C1QTNF1: variants seen among roughly 807,000 people sequenced by gnomAD.
C1QTNF1 encodes complement C1q tumor necrosis factor-related protein 1.
C1QTNF1 carries 22 observed loss-of-function variants against 27.8 expected under a neutral mutation model. The observed-to-expected ratio is 0.79, with a 90% confidence interval of 0.56 to 1.13. The LOEUF (loss-of-function observed/expected upper bound fraction) is 1.13. Ranked by LOEUF, C1QTNF1 falls within the 50% of genes most tolerant of loss-of-function variation. The pLI is 0.00. For synonymous variants in C1QTNF1, 166 were observed against 154.3 expected, an observed-to-expected ratio of 1.08 and a Z score of -0.56; for missense variants, 373 against 380.2, an observed-to-expected ratio of 0.98 and a Z score of 0.16.
Position 79,033,703 on chromosome 17 carries a change from C to CCAAA in C1QTNF1, c.-15+9209_-15+9210insCAAA, listed in dbSNP as rs1555670434. Among the ~76,000 whole-genome samples, 23 of 151,660 alleles carry CCAAA rather than the reference C, an allele frequency of 1.5e-4. No individual in the cohort carries two copies. In the South Asian group the frequency reaches 4.8e-3, roughly 32 times the overall value. On this transcript the variant is annotated intron_variant, in intron 1 of 3. Transcript: ENST00000579760. ...CCTGGGTGACAGGAGACCCTGTCTC[C>CCAAA]TAAATAAATAAATAAATAAATGTAG...
chr17:79,032,547 G>A (rs2072163204), intron 1 of C1QTNF1, among the ~76,000 whole-genome samples: 1 of 152,200 alleles, frequency 6.6e-6, no homozygotes. Context: ...AACCAGCCAG[G>A]GCTGGGGAAG....
At chr17:79,044,656 C>T (rs892032092) in intron 2 of C1QTNF1, among the ~76,000 whole-genome samples, 2 of 152,150 alleles carry the variant, frequency 1.3e-5, no homozygotes, top group African/African-American at 4.8e-5. Context: ...CTCTGGATGG[C>T]CTTCGTGTCT....
chr17:79,032,512 C>T (rs1163428101), intron 1 of C1QTNF1, among the ~76,000 whole-genome samples: 6 of 152,056 alleles, frequency 3.9e-5, no homozygotes, highest in African/African-American at 1.4e-4. Context: ...CTGGAAGCAG[C>T]GTGGGAGACA....
chr17:79,048,309 C>A lies in C1QTNF1; in HGVS notation c.*221C>A, dbSNP rs1190214261. 2.8e-5 allele frequency: 15 copies of A among 541,952 alleles called. No homozygotes were observed. The highest frequency in any genetic ancestry group is 4.1e-5 in the Non-Finnish European group (13 of 315,826). 33.6% of individuals were successfully genotyped at this position (541,952 alleles called of 1,614,324 possible). On this transcript the variant is annotated 3_prime_UTR_variant, in exon 4 of 4. Coordinates refer to ENST00000579760, the MANE Select transcript of C1QTNF1 (RefSeq NM_030968.5). The stretch of plus-strand genomic sequence containing the variant: ...ACCAGGGCGGGGCACCCGCGAGAAC[C>A]CTCTGGGACCTTCCGCGGCCCTCTC...
In C1QTNF1 at chr17:79,047,439, C is replaced by T. The variant is rs556533504; in HGVS notation, c.296-99C>T. The T allele has an allele frequency of 1.0e-3, 1,242 of 1,244,662 alleles. 8 individuals carry two copies. Among genetic ancestry groups the T allele is most frequent in the South Asian group, 7.3e-3 (465 of 63,274 alleles). The allele number at this position is 1,244,662 out of a possible 1,614,324, so 77.1% of individuals were successfully genotyped here. A position where few individuals can be genotyped will look rare whatever the true frequency, so the allele number is the denominator to read the frequency against. On this transcript the variant is annotated intron_variant, in intron 3 of 3. Coordinates refer to ENST00000579760, the MANE Select transcript of C1QTNF1 (RefSeq NM_030968.5). ...TTCTGCCAGGTCAGGGCTGTGAGGA[C>T]GAATCAGGACAGCGCCAGGGACCGG...
rs192514806 is a variant in C1QTNF1 at position 79,029,546 on chromosome 17, G to T, written c.-15+5052G>T. Among the ~76,000 whole-genome samples, 3 of 152,142 alleles carry T rather than the reference G, an allele frequency of 2.0e-5. No homozygotes were observed. In the East Asian group the frequency reaches 5.8e-4, roughly 29 times the overall value. On this transcript the variant is annotated intron_variant, in intron 1 of 3. Coordinates refer to ENST00000579760, the MANE Select transcript of C1QTNF1 (RefSeq NM_030968.5). The stretch of plus-strand genomic sequence containing the variant: ...TCAGTGGTGGCTTTTCAGGGGTAGC[G>T]GGGCTTTGTCAGAAGGAATCTCTGA...
intron 1 of C1QTNF1, chr17:79,043,588 T>G: frequency 2.3e-6 from 1 of 443,702 alleles, no homozygotes. Context: ...GTGGATTACA[T>G]GTGTGTGGAT....
At chr17:79,047,319 T>A (rs375305342) in intron 3 of C1QTNF1, 15 of 422,432 alleles carry the variant, frequency 3.6e-5, no homozygotes, top group African/African-American at 2.8e-4. Context: ...ATCCTTGAGG[T>A]TGAGTCTGTT....
chr17:79,032,509 C>T (rs1043353802), intron 1 of C1QTNF1, among the ~76,000 whole-genome samples: 2 of 152,130 alleles, frequency 1.3e-5, no homozygotes, highest in African/African-American at 4.8e-5. Context: ...CCTCTGGAAG[C>T]AGCGTGGGAG....
At chr17:79,037,488 C>G (rs552693662) in intron 1 of C1QTNF1, among the ~76,000 whole-genome samples, 1 of 151,832 alleles carries the variant, frequency 6.6e-6, no homozygotes, top group Non-Finnish European at 1.5e-5. Context: ...GGTCTCGAAC[C>G]CCTGACTTCA....
rs531584434 is a variant in C1QTNF1 at position 79,033,703 on chromosome 17, C to CTAAA, written c.-15+9227_-15+9230dup. Among the ~76,000 whole-genome samples, 363 of 151,658 alleles carry CTAAA rather than the reference C, an allele frequency of 2.4e-3. 1 individual carries two copies. The highest frequency in any genetic ancestry group is 2.9e-3 in the Non-Finnish European group (194 of 67,934). On this transcript the variant is annotated intron_variant, in intron 1 of 3. Coordinates refer to ENST00000579760, the MANE Select transcript of C1QTNF1 (RefSeq NM_030968.5). ...CCTGGGTGACAGGAGACCCTGTCTC[C>CTAAA]TAAATAAATAAATAAATAAATGTAG...
chr17:79,048,007 TG>T lies in C1QTNF1; in HGVS notation c.766del (p.Glu256ArgfsTer87). ...GGGTACGCCTCTACAAGGGCGAACG[TG>T]AGAACGCCATCTTCAGCGAGGAGCT... The part of the protein sequence containing the change: ...VWVRLYKGER[E>X]NAIFSEELDT... On this transcript the variant is annotated frameshift_variant, in exon 4 of 4. Coordinates refer to ENST00000579760, the MANE Select transcript of C1QTNF1 (RefSeq NM_030968.5). LOFTEE classifies it high-confidence loss of function. The T allele has an allele frequency of 6.2e-7, 1 of 1,610,288 alleles. No individual in the cohort carries two copies. The highest frequency in any genetic ancestry group is 8.5e-7 in the Non-Finnish European group (1 of 1,178,860).
At chr17:79,043,406 T>C (rs13341445) in intron 1 of C1QTNF1, 23 of 450,052 alleles carry the variant, frequency 5.1e-5, no homozygotes, top group African/African-American at 4.3e-4. Context: ...TGCATGTGAG[T>C]GTGAGTGTAT....
At chr17:79,034,221 T>A (rs2072210664) in intron 1 of C1QTNF1, 1 of 152,506 alleles carries the variant, frequency 6.6e-6, no homozygotes, top group Non-Finnish European at 1.5e-5. Context: ...GCGTCCCCGC[T>A]GCTGGTGCTA....
At chr17:79,031,008 C>CTTT (rs11335486) in intron 1 of C1QTNF1, among the ~76,000 whole-genome samples, 1 of 137,982 alleles carries the variant, frequency 7.2e-6, no homozygotes, top group Non-Finnish European at 1.6e-5. Flanking sequence ...CTTTTCTTTT[C>CTTT]TTTTTTTTTT....
rs2072567000 is a variant in C1QTNF1, at chr17:79,046,163, CCTT to C, written c.156-388_156-386del. 6.6e-6 allele frequency among the ~76,000 whole-genome samples: 1 copy of C among 152,162 alleles called. No individual in the cohort carries two copies. The highest frequency in any genetic ancestry group is 1.5e-5 in the Non-Finnish European group (1 of 68,024). On this transcript the variant is annotated intron_variant, in intron 2 of 3. Transcript: ENST00000579760. The surrounding 1 kb of genome is among the most constrained non-coding windows in gnomAD (Gnocchi z 4.8). The stretch of plus-strand genomic sequence containing the variant: ...GGGGAATCCTAAAGATCCAGTTGAA[CCTT>C]CTTATTTGCAGACGAGTCAGCTTCA...
chr17:79,045,579 T>G (rs1405303786), intron 2 of C1QTNF1, among the ~76,000 whole-genome samples: 1 of 152,130 alleles, frequency 6.6e-6, no homozygotes. Context: ...CCCAGGACTC[T>G]GCTGAAAGTT....
intron 1 of C1QTNF1, among the ~76,000 whole-genome samples, chr17:79,030,495 TTC>T (rs1555669997): frequency 1.3e-3 from 132 of 104,706 alleles, no homozygotes; most frequent in East Asian, 1.9e-3. Flanking sequence ...TTTTCTTTCT[TTC>T]TTTCTTTCTT....
Position 79,044,032 on chromosome 17 carries a change from C to T in C1QTNF1, c.64C>T (p.Leu22=), listed in dbSNP as rs767620864. 2.5e-6 allele frequency: 4 copies of T among 1,614,022 alleles called. No individual in the cohort carries two copies. Among genetic ancestry groups the T allele is most frequent in the Non-Finnish European group, 3.4e-6 (4 of 1,179,918 alleles). Reference sequence around the variant, plus strand: ...CCTGCTCCTTGCCTTTGCCTCTGGCCTGGTCCTGAGTCGTGTGCCCCATGT... The same window carrying T: ...CCTGCTCCTTGCCTTTGCCTCTGGCTTGGTCCTGAGTCGTGTGCCCCATGT... ...YCLLLAFASG[L]VLSRVPHVQG... The change falls in exon 2 of 4, where the codon CTG becomes TTG. Residue 22 remains leucine (L), a synonymous_variant. Transcript: ENST00000579760.
Sources: allele counts gnomAD v4.1 joint callset (sites outside exome capture counted in the v4.1 genomes callset), GRCh38; gene constraint gnomAD v4.1.1; non-coding constraint Gnocchi (gnomAD v3.1); transcripts MANE v1.5; gene names NCBI Gene and HGNC (gene_info 2026-07-23, HGNC 2026-07-21).